The following SLC6A11 variants were observed in gnomAD, a reference collection of about 807,000 sequenced individuals.
SLC6A11 encodes the protein sodium- and chloride-dependent GABA transporter 3.
In SLC6A11, 25 loss-of-function variants were observed where a neutral mutation model predicts 74.8. The observed-to-expected ratio is 0.33, with a 90% CI of 0.24 to 0.47. The LOEUF (loss-of-function observed/expected upper bound fraction) is 0.47. Ranked by LOEUF, SLC6A11 falls within the 20% of genes least tolerant of loss-of-function variation. The pLI is 1.00. For synonymous variants in SLC6A11, 330 were observed against 330.2 expected, an observed-to-expected ratio of 1.00 and a Z score of 0.01; for missense variants, 574 against 837.0, an observed-to-expected ratio of 0.69 and a Z score of 3.88.
At position 10,935,015 on chromosome 3, in the gene SLC6A11, C is replaced by G; in HGVS notation, c.1576-14C>G. Reference sequence around the variant, plus strand: ...GGGCCCATCCCCCAGGCACCTGCCCCCATCTCTCTGCAGGGGATCTTCATC... The same window carrying G: ...GGGCCCATCCCCCAGGCACCTGCCCGCATCTCTCTGCAGGGGATCTTCATC... On this transcript the variant is annotated splice_polypyrimidine_tract_variant and intron_variant, in intron 12 of 13. Transcript: ENST00000254488. The G allele has an allele frequency of 1.9e-6, 3 of 1,610,966 alleles. No individual in the cohort carries two copies. The highest frequency in any genetic ancestry group is 1.1e-5 in the South Asian group (1 of 90,134).
chr3:10,848,540 A>C (rs1175467037), intron 5 of SLC6A11, among the ~76,000 whole-genome samples: 3 of 152,218 alleles, frequency 2.0e-5, no homozygotes, highest in Non-Finnish European at 2.9e-5. Flanking sequence ...CCTACACCCC[A>C]GCTTCAGTAG....
intron 5 of SLC6A11, among the ~76,000 whole-genome samples, chr3:10,848,563 C>G (rs1176924024): frequency 6.6e-6 from 1 of 152,192 alleles, no homozygotes; most frequent in African/African-American, 2.4e-5. Context: ...AGCAAGATGC[C>G]TGCCACTAAC....
chr3:10,855,728 TA>T (rs1388798083), intron 5 of SLC6A11, among the ~76,000 whole-genome samples: 1 of 152,180 alleles, frequency 6.6e-6, no homozygotes, highest in Non-Finnish European at 1.5e-5. Context: ...GTGGTAAAGA[TA>T]AACGTGACCC....
intron 8 of SLC6A11, among the ~76,000 whole-genome samples, chr3:10,921,842 A>G (rs965653043): frequency 6.7e-6 from 1 of 149,000 alleles, no homozygotes; most frequent in Non-Finnish European, 1.5e-5. Context: ...TAGTGTGGAC[A>G]AAGTAAACTT....
rs780066854 is a variant in SLC6A11 at position 10,844,294 on chromosome 3, C to G, written c.704C>G (p.Ala235Gly). The G allele has an allele frequency of 5.0e-6, 8 of 1,614,182 alleles. No individual in the cohort carries two copies. The East Asian group carries it at 1.8e-4, about 36-fold the overall frequency. ...RWELALCLLAAWTICYFCIWK... is the reference protein window; with the variant it reads ...RWELALCLLAGWTICYFCIWK... ...GAGCTGGCCTTGTGTCTCTTGGCAG[C>G]CTGGACCATCTGTTACTTCTGTATC... is the stretch of plus-strand genomic sequence containing the variant. Residue 235 changes from alanine (A) to glycine (G), a missense_variant, in exon 5 of 14, where the codon GCC becomes GGC. Physicochemically the swap from Ala to Gly is moderately conservative, Grantham distance 60. Transcript: ENST00000254488.
chr3:10,938,347 A>T lies in SLC6A11; in HGVS notation c.1844A>T (p.Lys615Ile). Reference protein sequence around the residue: ...RMVTVNDCDAKLKSDGTIAAI... With the variant: ...RMVTVNDCDAILKSDGTIAAI... ...GTGACAGTTAATGACTGTGATGCCAAACTCAAGAGTGACGGGACCATCGCA... is the reference window on the plus strand; with the variant it reads ...GTGACAGTTAATGACTGTGATGCCATACTCAAGAGTGACGGGACCATCGCA... Residue 615 changes from lysine to isoleucine, a missense_variant, in exon 14 of 14, where the codon AAA becomes ATA. Lys to Ile is a moderately radical substitution (Grantham distance 102). Transcript: ENST00000254488. The T allele has an allele frequency of 6.2e-7, 1 of 1,612,754 alleles. No individual in the cohort carries two copies. Among genetic ancestry groups the T allele is most frequent in the Admixed American group, 1.7e-5 (1 of 59,970 alleles).
Position 10,940,695 on chromosome 3 carries a change from A to G in SLC6A11, c.*2293A>G, listed in dbSNP as rs1048778404. On this transcript the variant is annotated 3_prime_UTR_variant, in exon 14 of 14. Coordinates refer to ENST00000254488, the MANE Select transcript of SLC6A11 (RefSeq NM_014229.3). ...ATTGTCTGCTTACTCATTTTTAAAA[A>G]TTAAAGAAATGAACAATCAGTGTGG... 6.6e-6 allele frequency: 1 copy of G among 152,246 alleles called. No homozygotes were observed. The highest frequency in any genetic ancestry group is 1.5e-5 in the Non-Finnish European group (1 of 68,034). The allele number at this position is 152,246 out of a possible 1,614,324, so 9.4% of individuals were successfully genotyped here. A position where few individuals can be genotyped will look rare whatever the true frequency, so the allele number is the denominator to read the frequency against.
chr3:10,828,284 T>C (rs1394072104), intron 4 of SLC6A11, among the ~76,000 whole-genome samples: 1 of 152,208 alleles, frequency 6.6e-6, no homozygotes, highest in Non-Finnish European at 1.5e-5. Flanking sequence ...AAAAAACACA[T>C]GTTGAGCACA....
At chr3:10,841,781 A>C (rs994572562) in intron 4 of SLC6A11, among the ~76,000 whole-genome samples, 17 of 152,172 alleles carry the variant, frequency 1.1e-4, no homozygotes, top group African/African-American at 4.1e-4. Context: ...GAAAACAACT[A>C]CTTCAACAAG....
intron 4 of SLC6A11, among the ~76,000 whole-genome samples, chr3:10,840,419 C>T (rs771369691): frequency 6.6e-6 from 1 of 152,214 alleles, no homozygotes; most frequent in African/African-American, 2.4e-5. Flanking sequence ...GAGCTTCCCC[C>T]ACCTTTCTCT....
chr3:10,846,476 G>A (rs547891203), intron 5 of SLC6A11, among the ~76,000 whole-genome samples: 3 of 152,270 alleles, frequency 2.0e-5, no homozygotes, highest in African/African-American at 4.8e-5. Flanking sequence ...AGGCTATTCC[G>A]GGACCTCATA....
rs1695813581 is a variant in SLC6A11 at position 10,940,632 on chromosome 3, A to G, written c.*2230A>G. ...AATGAAAAAGGTTGTACTGTTTTGC[A>G]TAATGAACATTTTTATTGGGCATTC... is the stretch of plus-strand genomic sequence containing the variant. On this transcript the variant is annotated 3_prime_UTR_variant, in exon 14 of 14. Coordinates refer to ENST00000254488, the MANE Select transcript of SLC6A11 (RefSeq NM_014229.3). The G allele has an allele frequency of 6.6e-6, 1 of 152,266 alleles. No homozygotes were observed. Among genetic ancestry groups the G allele is most frequent in the South Asian group, 2.1e-4 (1 of 4,834 alleles). The allele number at this position is 152,266 out of a possible 1,614,324, so 9.4% of individuals were successfully genotyped here. A position where few individuals can be genotyped will look rare whatever the true frequency, so the allele number is the denominator to read the frequency against.
At chr3:10,885,657 G>C (rs3774104) in intron 6 of SLC6A11, among the ~76,000 whole-genome samples, 1 of 151,488 alleles carries the variant, frequency 6.6e-6, no homozygotes, top group African/African-American at 2.4e-5. Context: ...GAGATACCCT[G>C]CCCTAGGACA....
At chr3:10,854,396 T>A (rs1053136660) in intron 5 of SLC6A11, among the ~76,000 whole-genome samples, 1 of 151,940 alleles carries the variant, frequency 6.6e-6, no homozygotes, top group Non-Finnish European at 1.5e-5. Flanking sequence ...TCTCAAAAAA[T>A]AAATAAATAA....
intron 4 of SLC6A11, among the ~76,000 whole-genome samples, chr3:10,841,999 T>C (rs924637001): frequency 6.6e-6 from 1 of 152,176 alleles, no homozygotes; most frequent in Non-Finnish European, 1.5e-5. Context: ...TTGTCCCTTA[T>C]AGTTCACCAG....
At chr3:10,820,944 T>C (rs1029816381) in intron 3 of SLC6A11, among the ~76,000 whole-genome samples, 6 of 152,296 alleles carry the variant, frequency 3.9e-5, no homozygotes, top group African/African-American at 1.4e-4. Flanking sequence ...GGTAGGATGT[T>C]GGTGACCAGT....
At chr3:10,891,605 A>T (rs1695108241) in intron 6 of SLC6A11, among the ~76,000 whole-genome samples, 1 of 152,224 alleles carries the variant, frequency 6.6e-6, no homozygotes, top group Non-Finnish European at 1.5e-5. Context: ...TGCTATTTTA[A>T]TAAATTTAAG....
intron 5 of SLC6A11, among the ~76,000 whole-genome samples, chr3:10,854,476 C>T (rs551068945): frequency 4.6e-5 from 7 of 152,204 alleles, no homozygotes; most frequent in Non-Finnish European, 1.0e-4. Flanking sequence ...TATGTGTTGC[C>T]CTCTAATCCT....
intron 6 of SLC6A11, among the ~76,000 whole-genome samples, chr3:10,901,218 G>A (rs1960131): frequency 0.27 from 40,452 of 152,096 alleles, 5,920 homozygotes; most frequent in African/African-American, 0.39. Context: ...CGTATTTAGC[G>A]CTTTGGTAAA....
Sources: allele counts gnomAD v4.1 joint callset (sites outside exome capture counted in the v4.1 genomes callset), GRCh38; gene constraint gnomAD v4.1.1; transcripts MANE v1.5; gene names NCBI Gene and HGNC (gene_info 2026-07-23, HGNC 2026-07-21).